TMEM120B: variants seen among roughly 807,000 people sequenced by gnomAD.
TMEM120B encodes the protein transmembrane protein 120B.
TMEM120B carries 31 observed loss-of-function variants against 55.5 expected under a neutral mutation model. The ratio of observed to expected loss-of-function variants is 0.56; its 90% confidence interval spans 0.42 to 0.75. TMEM120B has a LOEUF of 0.75. TMEM120B is among the 30% of genes least tolerant of loss of function. TMEM120B has a pLI of 0.00. For missense variants in TMEM120B, 399 were observed against 425.5 expected (o/e 0.94, Z 0.55); for synonymous variants, 203 against 176.3 (o/e 1.15, Z -1.20).
intron 1 of TMEM120B, among the ~76,000 whole-genome samples, chr12:121,716,005 T>A (rs137908484): frequency 2.1e-4 from 31 of 149,978 alleles, no homozygotes; most frequent in African/African-American, 7.4e-4. Flanking sequence ...ACGAGATATT[T>A]GTTGGGAGCT....
intron 5 of TMEM120B, among the ~76,000 whole-genome samples, chr12:121,759,191 G>A (rs1873588639): frequency 6.7e-6 from 1 of 150,064 alleles, no homozygotes; most frequent in South Asian, 2.1e-4. Flanking sequence ...GGGATTACAG[G>A]CGTGAGCCAC....
chr12:121,773,357 G>A, intron 8 of TMEM120B, 64 bp from the exon 9 acceptor site: 1 of 1,458,558 alleles, frequency 6.9e-7, no homozygotes, highest in Non-Finnish European at 9.4e-7. Flanking sequence ...TTGGGGCAGA[G>A]AGGTGTGGCC....
At chr12:121,723,493 G>T (rs1041638029) in intron 1 of TMEM120B, among the ~76,000 whole-genome samples, 1 of 152,318 alleles carries the variant, frequency 6.6e-6, no homozygotes, top group Non-Finnish European at 1.5e-5. Context: ...TGCTGGCGGG[G>T]CAGGAGCTGC....
At chr12:121,731,759 A>G (rs1405033166) in intron 1 of TMEM120B, among the ~76,000 whole-genome samples, 2 of 152,234 alleles carry the variant, frequency 1.3e-5, no homozygotes, top group Non-Finnish European at 2.9e-5. Context: ...GCATTGTACA[A>G]TTAAAATGAT....
At chr12:121,740,878 T>C (rs1872914996) in intron 1 of TMEM120B, among the ~76,000 whole-genome samples, 2 of 152,152 alleles carry the variant, frequency 1.3e-5, no homozygotes, top group South Asian at 2.1e-4. Context: ...GCAAATCTTT[T>C]TGGTAAAAGG....
At chr12:121,725,638 A>G (rs551542087) in intron 1 of TMEM120B, among the ~76,000 whole-genome samples, 5 of 152,184 alleles carry the variant, frequency 3.3e-5, no homozygotes, top group Non-Finnish European at 7.4e-5. Flanking sequence ...AATAAAAGGA[A>G]ACAAAACAGA....
chr12:121,750,385 A>C lies in TMEM120B; in HGVS notation c.311A>C (p.Tyr104Ser). 1 of 1,612,356 alleles carries C rather than the reference A, an allele frequency of 6.2e-7. No homozygotes were observed. The highest frequency in any genetic ancestry group is 8.5e-7 in the Non-Finnish European group (1 of 1,179,084). The change falls in exon 4 of 12, where the codon TAC becomes TCC. Residue 104 changes from tyrosine (Y) to serine (S), a missense_variant. This residue lies in a region of TMEM120B where 260 missense variants were observed against 303.9 expected (regional missense o/e 0.86). Transcript: ENST00000449592. Reference protein sequence around the residue: ...EAYLPKKNGLYLNLVLGNVNV... With the variant: ...EAYLPKKNGLSLNLVLGNVNV... ...TCACAGGTGTTTCCTTCCAGGCTCTACTTGAACCTGGTCCTCGGCAATGTG... is the reference window on the plus strand; with the variant it reads ...TCACAGGTGTTTCCTTCCAGGCTCTCCTTGAACCTGGTCCTCGGCAATGTG...
At chr12:121,748,293 C>A in intron 2 of TMEM120B, 33 bp from the exon 3 acceptor site, 2 of 1,560,076 alleles carry the variant, frequency 1.3e-6, no homozygotes, top group Non-Finnish European at 1.8e-6. Flanking sequence ...CTGAGTGACG[C>A]CCCTTCCCCT....
At chr12:121,748,532 G>A in intron 3 of TMEM120B, 90 bp downstream of exon 3, 1 of 851,666 alleles carries the variant, frequency 1.2e-6, no homozygotes, top group Non-Finnish European at 1.8e-6. Flanking sequence ...TCCTGCTGGT[G>A]CTCAGATTGA....
At chr12:121,734,070 G>A (rs1895056765) in intron 1 of TMEM120B, among the ~76,000 whole-genome samples, 1 of 152,040 alleles carries the variant, frequency 6.6e-6, no homozygotes, top group Admixed American at 6.6e-5. Context: ...CAGGGTGAGT[G>A]GTGTTTTTTA....
rs1484759599 is a variant in TMEM120B, at chr12:121,777,380, G to C, written c.*1658G>C. ...TCCTCCTATCTTGGCCTCCCAAAGCGCTGGGATTACAGGTGTGAGCCACTG... is the reference window on the plus strand; with the variant it reads ...TCCTCCTATCTTGGCCTCCCAAAGCCCTGGGATTACAGGTGTGAGCCACTG... On this transcript the variant is annotated 3_prime_UTR_variant, in exon 12 of 12. Transcript: ENST00000449592. The C allele has an allele frequency of 6.6e-6, 1 of 152,208 alleles. No homozygotes were observed. Among genetic ancestry groups the C allele is most frequent in the Admixed American group, 6.5e-5 (1 of 15,274 alleles). The allele number at this position is 152,208 out of a possible 1,614,324, so 9.4% of individuals were successfully genotyped here.
intron 10 of TMEM120B, 70 bp downstream of exon 10, chr12:121,774,792 C>T: frequency 6.5e-7 from 1 of 1,536,802 alleles, no homozygotes; most frequent in Middle Eastern, 1.7e-4. Flanking sequence ...GTCTTCAGGC[C>T]TTGCCCTCCT....
At chr12:121,769,868 T>C (rs1268608452) in intron 6 of TMEM120B, among the ~76,000 whole-genome samples, 1 of 152,084 alleles carries the variant, frequency 6.6e-6, no homozygotes, top group Non-Finnish European at 1.5e-5. Flanking sequence ...AGGGGGCAGA[T>C]CACAGGAAGA....
chr12:121,763,080 C>G (rs1873731362), intron 6 of TMEM120B, among the ~76,000 whole-genome samples: 3 of 152,020 alleles, frequency 2.0e-5, no homozygotes, highest in Non-Finnish European at 4.4e-5. Context: ...AGTTAAAACC[C>G]ATGACTTGCC....
At chr12:121,774,085 A>T (rs1466802506) in intron 9 of TMEM120B, among the ~76,000 whole-genome samples, 1 of 150,958 alleles carries the variant, frequency 6.6e-6, no homozygotes, top group Non-Finnish European at 1.5e-5. Flanking sequence ...CCTCCTGAGT[A>T]GCTGGGATTA....
Position 121,780,516 on chromosome 12 carries a change from C to T in TMEM120B, c.*4794C>T. On this transcript the variant is annotated 3_prime_UTR_variant, in exon 12 of 12. Transcript: ENST00000449592. ...TTCAAACAAGGCAGACAGGACACGA[C>T]AGGACGGCGGCTCATAGCACAGACT... 2.4e-6 allele frequency: 1 copy of T among 423,204 alleles called. No individual in the cohort carries two copies. The highest frequency in any genetic ancestry group is 4.2e-6 in the Non-Finnish European group (1 of 237,238). 26.2% of individuals were successfully genotyped at this position (423,204 alleles called of 1,614,324 possible).
intron 1 of TMEM120B, among the ~76,000 whole-genome samples, chr12:121,718,080 G>A (rs2458404): frequency 6.6e-6 from 1 of 152,006 alleles, no homozygotes; most frequent in Non-Finnish European, 1.5e-5. Flanking sequence ...CCTCTCTCAG[G>A]TTGAGTTTCT....
In TMEM120B at chr12:121,761,806, G is replaced by C. The variant is rs1592944147; in HGVS notation, c.551+68G>C. On this transcript the variant is annotated intron_variant, in intron 6 of 11. Coordinates refer to ENST00000449592, the MANE Select transcript of TMEM120B (RefSeq NM_001080825.2). ...AAGGGAAATGTCACGAGGGGCGTCAGATGGGGGCCGACACCCTCAGGCTGC... is the reference window on the plus strand; with the variant it reads ...AAGGGAAATGTCACGAGGGGCGTCACATGGGGGCCGACACCCTCAGGCTGC... 1.6e-5 allele frequency: 20 copies of C among 1,253,948 alleles called. No homozygotes were observed. In the South Asian group the frequency reaches 2.1e-4, roughly 13 times the overall value. The allele number at this position is 1,253,948 out of a possible 1,614,324, so 77.7% of individuals were successfully genotyped here.
At chr12:121,766,061 G>A (rs1022075578) in intron 6 of TMEM120B, among the ~76,000 whole-genome samples, 4 of 152,138 alleles carry the variant, frequency 2.6e-5, no homozygotes, top group African/African-American at 7.2e-5. Context: ...GGGCCATCAC[G>A]GCATTCTAGA....
Sources: gnomAD v4.1 joint callset for allele counts (sites outside exome capture counted in the v4.1 genomes callset) on GRCh38, gnomAD v4.1.1 for gene constraint, gnomAD v4.1.1 regional missense constraint, MANE v1.5 for transcripts, NCBI Gene and HGNC (gene_info 2026-07-23, HGNC 2026-07-21) for gene names.